TACC1: variants seen among roughly 807,000 people sequenced by gnomAD.
TACC1 encodes transforming acidic coiled-coil containing protein 1.
A neutral mutation model predicts 84.4 loss-of-function variants in TACC1; 48 were observed. The observed-to-expected ratio is 0.57, with a 90% CI of 0.45 to 0.72. The LOEUF (loss-of-function observed/expected upper bound fraction) is 0.72, where lower values mean the gene tolerates loss of function less well. Ranked by LOEUF, TACC1 falls within the 30% of genes least tolerant of loss-of-function variation. TACC1 has a pLI of 0.00. For synonymous variants in TACC1, 372 were observed against 376.3 expected, an observed-to-expected ratio of 0.99 and a Z score of 0.13; for missense variants, 920 against 973.0, an observed-to-expected ratio of 0.95 and a Z score of 0.72.
intron 2 of TACC1, among the ~76,000 whole-genome samples, chr8:38,804,743 C>T (rs963132817): frequency 7.9e-5 from 12 of 152,216 alleles, no homozygotes; most frequent in African/African-American, 2.4e-4. Context: ...GCTAGGACTG[C>T]AGGCAAACAC....
At chr8:38,827,497 A>T in intron 5 of TACC1, 122 bp downstream of exon 5, 1 of 957,706 alleles carries the variant, frequency 1.0e-6, no homozygotes, top group Non-Finnish European at 1.6e-6. Context: ...TAGATTTAGG[A>T]TGCTGACCTA....
At chr8:38,731,473 C>T (rs1489723515) in intron 1 of TACC1, among the ~76,000 whole-genome samples, 1 of 152,180 alleles carries the variant, frequency 6.6e-6, no homozygotes, top group Non-Finnish European at 1.5e-5. Context: ...AGAATTGCAT[C>T]TGGCATATGA....
Position 38,825,999 on chromosome 8 carries a change from A to T in TACC1, c.1452+631A>T, listed in dbSNP as rs889976173. On this transcript the variant is annotated intron_variant, in intron 4 of 12. Coordinates refer to ENST00000317827, the MANE Select transcript of TACC1 (RefSeq NM_006283.3). Reference sequence around the variant, plus strand: ...TTCTAGCAATAAATAATATCCATCCATGACCGTATAAACTAATTGCAAAAC... The same window carrying T: ...TTCTAGCAATAAATAATATCCATCCTTGACCGTATAAACTAATTGCAAAAC... Among the ~76,000 whole-genome samples the T allele has an allele frequency of 2.6e-5, 4 of 152,272 alleles. No individual in the cohort carries two copies. The East Asian group carries it at 7.7e-4, about 29-fold the overall frequency.
chr8:38,740,576 A>T (rs897061082), intron 1 of TACC1, among the ~76,000 whole-genome samples: 1 of 152,248 alleles, frequency 6.6e-6, no homozygotes, highest in African/African-American at 2.4e-5. Context: ...GTTTGTGATG[A>T]TGGGCAAAAA....
chr8:38,819,581 A>C lies in TACC1; in HGVS notation c.337A>C (p.Thr113Pro). Reference protein sequence around the residue: ...AEVVEKCSSKTCSKPSENEVP... With the variant: ...AEVVEKCSSKPCSKPSENEVP... ...AGTGGTTGAAAAATGTTCATCTAAG[A>C]CTTGTTCTAAACCTTCAGAAAATGA... The change falls in exon 3 of 13, where the codon ACT becomes CCT. Residue 113 changes from threonine to proline, a missense_variant. By Grantham distance (38) the Thr-to-Pro change is conservative. This residue lies in a region of TACC1 where 762 missense variants were observed against 747.3 expected (regional missense o/e 1.02). Transcript: ENST00000317827. 6.2e-7 allele frequency: 1 copy of C among 1,614,216 alleles called. No homozygotes were observed. Among genetic ancestry groups the C allele is most frequent in the Non-Finnish European group, 8.5e-7 (1 of 1,180,038 alleles).
intron 3 of TACC1, chr8:38,745,587 A>G (rs1807930419): frequency 1.6e-6 from 1 of 625,792 alleles, no homozygotes; most frequent in East Asian, 2.8e-5. Flanking sequence ...TCTGTCGCCC[A>G]GGCTGGAGTG....
At chr8:38,730,427 A>C (rs948491978) in intron 1 of TACC1, among the ~76,000 whole-genome samples, 4 of 152,254 alleles carry the variant, frequency 2.6e-5, no homozygotes, top group African/African-American at 4.8e-5. Context: ...CATGATCAAT[A>C]ATTGTAACAG....
At chr8:38,792,629 C>G (rs1818960066) in intron 2 of TACC1, among the ~76,000 whole-genome samples, 1 of 152,180 alleles carries the variant, frequency 6.6e-6, no homozygotes, top group Non-Finnish European at 1.5e-5. Flanking sequence ...CTACGCCCAG[C>G]TAATTTTTTG....
In TACC1 at chr8:38,829,352, C is replaced by G. The variant is rs1339032444; in HGVS notation, c.1661-1773C>G. On this transcript the variant is annotated intron_variant, in intron 5 of 12. Transcript: ENST00000317827. ...GCATTGTTCCTGATTTCTTCCAATA[C>G]TGTCTTCTGCCCTGACATCTTTCCC... is the stretch of plus-strand genomic sequence containing the variant. 5.4e-4 allele frequency among the ~76,000 whole-genome samples: 82 copies of G among 152,182 alleles called. 2 individuals are homozygous for G. The highest frequency in any genetic ancestry group is 5.4e-3 in the Admixed American group (82 of 15,284).
chr8:38,745,051 CG>C (rs1807807297), exon 3 of TACC1: 1 of 156,120 alleles, frequency 6.4e-6, no homozygotes, highest in South Asian at 2.0e-4. Flanking sequence ...GCTTCTAGCA[CG>C]GGGCTGCATG....
chr8:38,750,817 T>C (rs2151740429), intron 3 of TACC1, among the ~76,000 whole-genome samples: 1 of 152,326 alleles, frequency 6.6e-6, no homozygotes, highest in Non-Finnish European at 1.5e-5. Context: ...CTATACCGTG[T>C]TCATGGATTC....
intron 4 of TACC1, among the ~76,000 whole-genome samples, 163 bp downstream of exon 4, chr8:38,825,531 C>A (rs1827850043): frequency 6.6e-6 from 1 of 152,018 alleles, no homozygotes; most frequent in Admixed American, 6.6e-5. Flanking sequence ...AAGAGAAGGC[C>A]CCTGAAGACA....
At chr8:38,817,003 A>G in intron 2 of TACC1, among the ~76,000 whole-genome samples, 1 of 152,184 alleles carries the variant, frequency 6.6e-6, no homozygotes, top group South Asian at 2.1e-4. Flanking sequence ...TCATTCATTA[A>G]CACACAAAAG....
intron 3 of TACC1, chr8:38,757,099 C>A: frequency 2.7e-6 from 1 of 374,560 alleles, no homozygotes; most frequent in Non-Finnish European, 4.2e-6. Flanking sequence ...AGGGGCTCCG[C>A]ATCTCCAGGC....
intron 2 of TACC1, among the ~76,000 whole-genome samples, chr8:38,816,826 G>T (rs928882131): frequency 3.9e-5 from 6 of 152,288 alleles, no homozygotes; most frequent in African/African-American, 1.2e-4. Context: ...TCATGTAGGT[G>T]TGATTGATTA....
At chr8:38,823,273 A>G (rs1439619548) in intron 3 of TACC1, among the ~76,000 whole-genome samples, 1 of 152,200 alleles carries the variant, frequency 6.6e-6, no homozygotes, top group Non-Finnish European at 1.5e-5. Context: ...TTGATTATAT[A>G]TAAGCAGTTA....
chr8:38,846,563 G>GT (rs991837859), intron 11 of TACC1, 136 bp from the exon 12 acceptor site: 199 of 1,061,900 alleles, frequency 1.9e-4, no homozygotes, highest in South Asian at 2.4e-4. Flanking sequence ...ACCGATTTTT[G>GT]TTTTTTTTCT....
At chr8:38,842,628 T>C (rs188332078) in intron 10 of TACC1, among the ~76,000 whole-genome samples, 181 bp downstream of exon 10, 1 of 152,376 alleles carries the variant, frequency 6.6e-6, no homozygotes, top group Non-Finnish European at 1.5e-5. Flanking sequence ...TTTCCTTCTT[T>C]GGTTGTTCAG....
intron 2 of TACC1, among the ~76,000 whole-genome samples, chr8:38,797,318 C>G (rs998436373): frequency 7.2e-5 from 11 of 152,358 alleles, no homozygotes; most frequent in African/African-American, 2.6e-4. Context: ...TGGAGGCTGG[C>G]TACCACAAAG....
Sources: gnomAD v4.1 joint callset for allele counts (sites outside exome capture counted in the v4.1 genomes callset) on GRCh38, gnomAD v4.1.1 for gene constraint, gnomAD v4.1.1 regional missense constraint, MANE v1.5 for transcripts, NCBI Gene and HGNC (gene_info 2026-07-23, HGNC 2026-07-21) for gene names.